Variants in NUCKS1 observed in about 807,000 individuals in gnomAD.
NUCKS1 encodes nuclear casein kinase and cyclin dependent kinase substrate 1, also known as nuclear ubiquitous casein and cyclin-dependent kinase substrate 1.
In NUCKS1, 2 loss-of-function variants were observed where a neutral mutation model predicts 33.0. That is an observed-to-expected ratio of 0.06 (90% CI 0.02 to 0.19). The LOEUF (loss-of-function observed/expected upper bound fraction) is 0.19. Among genes scored for constraint, NUCKS1 ranks in the 10% least tolerant of loss-of-function variants. The pLI, the probability that NUCKS1 is intolerant of heterozygous loss-of-function variation, is 1.00. For missense variants in NUCKS1, 201 were observed against 293.6 expected (o/e 0.68, Z 2.31); for synonymous variants, 106 against 102.8 (o/e 1.03, Z -0.19).
intron 4 of NUCKS1, among the ~76,000 whole-genome samples, chr1:205,721,992 AT>A (rs1671925925): frequency 6.6e-6 from 1 of 152,124 alleles, no homozygotes. Context: ...TTTAAAATAC[AT>A]ATTTAGATTA....
intron 3 of NUCKS1, among the ~76,000 whole-genome samples, chr1:205,724,387 T>C (rs1671968337): frequency 6.6e-6 from 1 of 152,128 alleles, no homozygotes; most frequent in African/African-American, 2.4e-5. Context: ...TGCTAAAATA[T>C]CTAAAATTAT....
intron 1 of NUCKS1, among the ~76,000 whole-genome samples, chr1:205,746,488 CTA>C (rs71777094): frequency 0.24 from 29,351 of 122,228 alleles, 3,266 homozygotes; most frequent in Non-Finnish European, 0.3. Context: ...CACACACACA[CTA>C]GAGAATAAGA....
intron 1 of NUCKS1, among the ~76,000 whole-genome samples, chr1:205,739,146 T>C (rs1019046825): frequency 2.0e-5 from 3 of 152,212 alleles, no homozygotes; most frequent in African/African-American, 7.2e-5. Flanking sequence ...GAAACTATGC[T>C]CAAAAGGCCA....
chr1:205,719,775 G>A, intron 5 of NUCKS1, 99 bp from the exon 6 acceptor site: 1 of 1,281,148 alleles, frequency 7.8e-7, no homozygotes, highest in Non-Finnish European at 1.1e-6. Context: ...ATGGGATTTG[G>A]GAGTCAAACA....
intron 4 of NUCKS1, among the ~76,000 whole-genome samples, chr1:205,722,449 G>A (rs895160747): frequency 7.2e-5 from 11 of 152,180 alleles, no homozygotes; most frequent in African/African-American, 2.7e-4. Context: ...TAGAGAAGGA[G>A]TTTTGCCATG....
Position 205,749,938 on chromosome 1 carries a change from C to T in NUCKS1, c.17+19G>A. 1 of 1,608,916 alleles carries T rather than the reference C, an allele frequency of 6.2e-7. No homozygotes were observed. The highest frequency in any genetic ancestry group is 8.5e-7 in the Non-Finnish European group (1 of 1,177,030). On this transcript the variant is annotated intron_variant, in intron 1 of 6. Transcript: ENST00000367142. Reference sequence around the variant, plus strand: ...CCATCCCCCTCCAACCCGCTCCAGGCCTCAGACTCCGCACTGACCTGACAG... The same window carrying T: ...CCATCCCCCTCCAACCCGCTCCAGGTCTCAGACTCCGCACTGACCTGACAG...
rs1671787089 is a variant in NUCKS1 at position 205,714,208 on chromosome 1, T to C, written c.*4072A>G. ...CCACACAATACTTCAGGGGTTTTTATACATGTTATTTTAGGGCATAAGCTG... is the reference window on the plus strand; with the variant it reads ...CCACACAATACTTCAGGGGTTTTTACACATGTTATTTTAGGGCATAAGCTG... On this transcript the variant is annotated 3_prime_UTR_variant, in exon 7 of 7. Transcript: ENST00000367142. The C allele has an allele frequency of 6.6e-6, 1 of 152,106 alleles. No homozygotes were observed. The highest frequency in any genetic ancestry group is 6.6e-5 in the Admixed American group (1 of 15,262). 9.4% of individuals were successfully genotyped at this position (152,106 alleles called of 1,614,324 possible). A position where few individuals can be genotyped will look rare whatever the true frequency, so the allele number is the denominator to read the frequency against.
chr1:205,721,527 A>G (rs983189898), intron 4 of NUCKS1, among the ~76,000 whole-genome samples: 5 of 152,242 alleles, frequency 3.3e-5, no homozygotes, highest in Admixed American at 6.5e-5. Context: ...TTAGAAAAAT[A>G]TCTTAACATA....
rs943918387 is a variant in NUCKS1 at position 205,739,840 on chromosome 1, C to T, written c.17+10117G>A. On this transcript the variant is annotated intron_variant, in intron 1 of 6. Coordinates refer to ENST00000367142, the MANE Select transcript of NUCKS1 (RefSeq NM_022731.5). ...CTTGACTCAAGCGATCTGCCCTCCT[C>T]GGCCTCCCAAAGTGTTGGGATTATA... Among the ~76,000 whole-genome samples, 13 of 152,216 alleles carry T rather than the reference C, an allele frequency of 8.5e-5. No individual in the cohort carries two copies. The South Asian group carries it at 2.1e-3, about 24-fold the overall frequency.
intron 3 of NUCKS1, among the ~76,000 whole-genome samples, chr1:205,726,892 G>A (rs529394077): frequency 6.6e-6 from 1 of 152,258 alleles, no homozygotes; most frequent in South Asian, 2.1e-4. Flanking sequence ...AGTGTAACAA[G>A]TTCATGTTAC....
chr1:205,717,204 G>T lies in NUCKS1; in HGVS notation c.*1076C>A. The stretch of plus-strand genomic sequence containing the variant: ...CTATCCCCAAATAAAAGCAGAGCAT[G>T]GTTAATGGGACCTGAATGCACATTT... On this transcript the variant is annotated 3_prime_UTR_variant, in exon 7 of 7. Coordinates refer to ENST00000367142, the MANE Select transcript of NUCKS1 (RefSeq NM_022731.5). 3.9e-6 allele frequency: 2 copies of T among 514,936 alleles called. No homozygotes were observed. The highest frequency in any genetic ancestry group is 5.0e-6 in the Non-Finnish European group (2 of 398,948). The allele number at this position is 514,936 out of a possible 1,614,324, so 31.9% of individuals were successfully genotyped here.
chr1:205,746,146 G>A (rs1654317621), intron 1 of NUCKS1, among the ~76,000 whole-genome samples: 1 of 150,642 alleles, frequency 6.6e-6, no homozygotes, highest in Non-Finnish European at 1.5e-5. Context: ...AAATACAAAA[G>A]TTAGCTGGGT....
chr1:205,739,755 G>A (rs1381756310), intron 1 of NUCKS1, among the ~76,000 whole-genome samples: 1 of 151,932 alleles, frequency 6.6e-6, no homozygotes, highest in East Asian at 1.9e-4. Context: ...ATGTCTGGCT[G>A]ATTTTGTTTA....
intron 1 of NUCKS1, among the ~76,000 whole-genome samples, chr1:205,737,786 T>C (rs1654066179): frequency 1.3e-5 from 2 of 152,272 alleles, no homozygotes; most frequent in Admixed American, 6.5e-5. Context: ...TCAAAAGTAT[T>C]TTAAAAGTAT....
intron 1 of NUCKS1, among the ~76,000 whole-genome samples, chr1:205,732,183 CTTTAG>C (rs926685444): frequency 7.2e-5 from 11 of 152,092 alleles, no homozygotes; most frequent in Admixed American, 1.3e-4. Context: ...TTCTGTTTTT[CTTTAG>C]TTTAACAAAA....
intron 1 of NUCKS1, among the ~76,000 whole-genome samples, chr1:205,732,471 T>C (rs1280317770): frequency 1.3e-5 from 2 of 152,142 alleles, no homozygotes; most frequent in Admixed American, 6.5e-5. Flanking sequence ...TTAACAATAC[T>C]GAACTATACA....
At position 205,717,231 on chromosome 1, in the gene NUCKS1, T is replaced by C. The variant is rs1426848156; in HGVS notation, c.*1049A>G. 1 of 815,284 alleles carries C rather than the reference T, an allele frequency of 1.2e-6. No homozygotes were observed. The highest frequency in any genetic ancestry group is 1.5e-6 in the Non-Finnish European group (1 of 672,892). 50.5% of individuals were successfully genotyped at this position (815,284 alleles called of 1,614,324 possible). On this transcript the variant is annotated 3_prime_UTR_variant, in exon 7 of 7. Transcript: ENST00000367142. ...TTAATGGGACCTGAATGCACATTTA[T>C]AGCATAAAAGAATGTCAATTCTATT...
At chr1:205,731,987 C>A (rs1335454155) in intron 1 of NUCKS1, among the ~76,000 whole-genome samples, 1 of 152,026 alleles carries the variant, frequency 6.6e-6, no homozygotes, top group Non-Finnish European at 1.5e-5. Context: ...GATTAAGACA[C>A]CATTTAAATT....
chr1:205,745,529 G>C (rs773982410), intron 1 of NUCKS1, among the ~76,000 whole-genome samples: 5 of 151,980 alleles, frequency 3.3e-5, no homozygotes, highest in Non-Finnish European at 7.4e-5. Context: ...TAAATATTGA[G>C]TTGAGCAAAA....
Sources: gnomAD v4.1 joint callset for allele counts (sites outside exome capture counted in the v4.1 genomes callset) on GRCh38, gnomAD v4.1.1 for gene constraint, MANE v1.5 for transcripts, NCBI Gene and HGNC (gene_info 2026-07-23, HGNC 2026-07-21) for gene names.